Variants in ADAR observed in about 807,000 individuals in gnomAD.
The protein encoded by ADAR is adenosine deaminase RNA specific, also known as double-stranded RNA-specific adenosine deaminase.
A neutral mutation model predicts 113.2 loss-of-function variants in ADAR; 41 were observed. The ratio of observed to expected loss-of-function variants is 0.36; its 90% CI spans 0.28 to 0.47. The LOEUF (loss-of-function observed/expected upper bound fraction) is 0.47. Ranked by LOEUF, ADAR falls within the 20% of genes least tolerant of loss-of-function variation. The pLI, the probability that ADAR is intolerant of heterozygous loss-of-function variation, is 1.00. For synonymous variants in ADAR, 605 were observed against 572.6 expected, an observed-to-expected ratio of 1.06 and a Z score of -0.81; for missense variants, 1,242 against 1,540.9, an observed-to-expected ratio of 0.81 and a Z score of 3.25.
At chr1:154,606,396 C>CATAT (rs1426169509) in intron 1 of ADAR, among the ~76,000 whole-genome samples, 1 of 152,064 alleles carries the variant, frequency 6.6e-6, no homozygotes, top group East Asian at 1.9e-4. Flanking sequence ...ATTTAGGAAT[C>CATAT]ATATAATGTT....
intron 2 of ADAR, among the ~76,000 whole-genome samples, chr1:154,599,893 C>A (rs1417062528): frequency 6.6e-6 from 1 of 152,202 alleles, no homozygotes; most frequent in Non-Finnish European, 1.5e-5. Context: ...GAACCACCAC[C>A]TTCAACAGGC....
At chr1:154,620,718 CCTTTGGGGGTAGTGGTGACTA>C (rs1313680848) in intron 1 of ADAR, among the ~76,000 whole-genome samples, 2 of 152,076 alleles carry the variant, frequency 1.3e-5, no homozygotes, top group African/African-American at 4.8e-5. Context: ...ATAGTGTTGG[CCTTTGGGGGTAGTGGTGACTA>C]CCACAGGGGA....
chr1:154,597,825 T>C lies in ADAR; in HGVS notation c.1934+3A>G. 6.2e-7 allele frequency: 1 copy of C among 1,614,128 alleles called. No homozygotes were observed. The highest frequency in any genetic ancestry group is 8.5e-7 in the Non-Finnish European group (1 of 1,180,034). On this transcript the variant is annotated splice_donor_region_variant and intron_variant, in intron 4 of 14. Coordinates refer to ENST00000368474, the MANE Select transcript of ADAR (RefSeq NM_001111.5). ...AGCTGGACAGAGGACACGTAGGACA[T>C]ACTTGGGTTCATGGGCAGGGCCTTC... is the stretch of plus-strand genomic sequence containing the variant.
chr1:154,591,357 T>C (rs1337661210), intron 6 of ADAR, among the ~76,000 whole-genome samples: 1 of 152,270 alleles, frequency 6.6e-6, no homozygotes, highest in Admixed American at 6.5e-5. Context: ...ATTTACTTCC[T>C]ATTAGCTCAA....
rs1486794898 is a variant in ADAR at position 154,582,701 on chromosome 1, T to C, written c.*2105A>G. ...CTGCTGGAGAACCTAATGCCCAAGA[T>C]GGACCAGAGAGGCCAAACAACCTGA... On this transcript the variant is annotated 3_prime_UTR_variant, in exon 15 of 15. Coordinates refer to ENST00000368474, the MANE Select transcript of ADAR (RefSeq NM_001111.5). 1.3e-5 allele frequency: 2 copies of C among 152,316 alleles called. No homozygotes were observed. The highest frequency in any genetic ancestry group is 4.1e-4 in the South Asian group (2 of 4,826). 9.4% of individuals were successfully genotyped at this position (152,316 alleles called of 1,614,324 possible). A position where few individuals can be genotyped will look rare whatever the true frequency, so the allele number is the denominator to read the frequency against.
intron 1 of ADAR, among the ~76,000 whole-genome samples, chr1:154,618,831 C>T (rs1039688625): frequency 8.5e-5 from 13 of 152,170 alleles, no homozygotes; most frequent in Non-Finnish European, 1.2e-4. Context: ...AGAAGCAGGC[C>T]GGCCGTGGTG....
Position 154,602,470 on chromosome 1 carries a change from C to T in ADAR, c.172G>A (p.Gly58Arg), listed in dbSNP as rs1208088462. ...KGQLPEAPVIGKQTPSLPPSL... is the reference protein window; with the variant it reads ...KGQLPEAPVIRKQTPSLPPSL... ...GGTGGCAGTGACGGTGTCTGCTTTC[C>T]AATCACCGGTGCTTCTGGGAGCTGC... The change falls in exon 2 of 15, where the codon GGA becomes AGA. Residue 58 changes from glycine (G) to arginine (R), a missense_variant. Coordinates refer to ENST00000368474, the MANE Select transcript of ADAR (RefSeq NM_001111.5). 4 of 1,613,832 alleles carry T rather than the reference C, an allele frequency of 2.5e-6. No homozygotes were observed. The African/African-American group carries it at 5.3e-5, about 22-fold the overall frequency.
intron 9 of ADAR, 78 bp from the exon 10 acceptor site, chr1:154,588,751 T>C: frequency 6.3e-7 from 1 of 1,585,966 alleles, no homozygotes; most frequent in Non-Finnish European, 8.6e-7. Context: ...GACCTCCAAA[T>C]GAGAAAGTAA....
chr1:154,588,745 T>G, intron 9 of ADAR, 72 bp from the exon 10 acceptor site: 1 of 1,592,924 alleles, frequency 6.3e-7, no homozygotes, highest in Admixed American at 1.7e-5. Context: ...TAATCTGACC[T>G]CCAAATGAGA....
At chr1:154,609,114 G>C (rs947342828), upstream of ADAR, among the ~76,000 whole-genome samples, 1 of 152,164 alleles carries the variant, frequency 6.6e-6, no homozygotes, top group East Asian at 1.9e-4. Flanking sequence ...TGTAGAAACC[G>C]AGGCTTGACT....
rs759622256 is a variant in ADAR, at chr1:154,602,424, G to C, written c.218C>G (p.Pro73Arg). ...SLPPSLPGLR[P>R]RFPVLLASST... is the part of the protein sequence containing the mutation. ...GGAGGCAAGTAGTACTGGAAACCTTGGCCGGAGTCCTGGGAGGGAAGGTGG... is the reference window on the plus strand; with the variant it reads ...GGAGGCAAGTAGTACTGGAAACCTTCGCCGGAGTCCTGGGAGGGAAGGTGG... The change falls in exon 2 of 15, where the codon CCA (proline) becomes CGA (arginine). Residue 73 changes from proline (P) to arginine (R), a missense_variant. Transcript: ENST00000368474. 1 of 1,609,268 alleles carries C rather than the reference G, an allele frequency of 6.2e-7. No homozygotes were observed. The highest frequency in any genetic ancestry group is 1.1e-5 in the South Asian group (1 of 90,406).
intron 1 of ADAR, among the ~76,000 whole-genome samples, chr1:154,606,836 T>G (rs1370129195): frequency 1.3e-5 from 2 of 152,090 alleles, no homozygotes; most frequent in African/African-American, 2.4e-5. Context: ...CTACCCCCTT[T>G]GCCTTTACCA....
At chr1:154,605,290 C>T (rs1387779556) in intron 1 of ADAR, among the ~76,000 whole-genome samples, 1 of 152,192 alleles carries the variant, frequency 6.6e-6, no homozygotes, top group African/African-American at 2.4e-5. Context: ...AACTCTGACC[C>T]TTTCCTTATA....
At chr1:154,589,291 CGT>C in intron 9 of ADAR, 76 bp downstream of exon 9, 1 of 1,127,528 alleles carries the variant, frequency 8.9e-7, no homozygotes, top group Non-Finnish European at 1.3e-6. Context: ...ATTCAGAGGC[CGT>C]GTCAGAGCCA....
At chr1:154,587,465 T>C (rs1696839624) in intron 11 of ADAR, among the ~76,000 whole-genome samples, 1 of 152,332 alleles carries the variant, frequency 6.6e-6, no homozygotes, top group East Asian at 1.9e-4. Context: ...CATTCACATA[T>C]TAGTTTCCGT....
At chr1:154,611,464 CTT>C (rs984110220), upstream of ADAR, among the ~76,000 whole-genome samples, 1 of 146,550 alleles carries the variant, frequency 6.8e-6, no homozygotes, top group South Asian at 2.2e-4. Context: ...GTGATGATGT[CTT>C]TTTTTTTTTA....
chr1:154,585,944 G>T (rs1297634408), intron 12 of ADAR, 79 bp from the exon 13 acceptor site: 1 of 1,350,866 alleles, frequency 7.4e-7, no homozygotes. Flanking sequence ...TGGGGATTTT[G>T]GAGGTACAAG....
chr1:154,602,021 G>C lies in ADAR; in HGVS notation c.621C>G (p.His207Gln). The stretch of plus-strand genomic sequence containing the variant: ...GACCGTCTGGTCTTACCACTCCGCT[G>C]TGCTGGTTCCAAGCCTGAGTGGAGA... ...IAVSTQAWNQ[H>Q]SGVVRPDGHS... Residue 207 changes from histidine (H) to glutamine (Q), a missense_variant, in exon 2 of 15, where the codon CAC becomes CAG. His to Gln is a conservative substitution (Grantham distance 24). Around this residue, in one of 2 missense-constraint regions of ADAR, gnomAD observed 462 missense variants for 483.1 expected, o/e 0.96. Coordinates refer to ENST00000368474, the MANE Select transcript of ADAR (RefSeq NM_001111.5). 2.5e-6 allele frequency: 4 copies of C among 1,614,236 alleles called. No homozygotes were observed. The Middle Eastern group carries it at 6.6e-4, about 266-fold the overall frequency.
At chr1:154,590,086 G>C in intron 7 of ADAR, 98 bp downstream of exon 7, 2 of 1,500,552 alleles carry the variant, frequency 1.3e-6, no homozygotes, top group Non-Finnish European at 1.8e-6. Context: ...TAAGAGTAAA[G>C]CCTAGGAATA....
Sources: gnomAD v4.1 joint callset for allele counts (sites outside exome capture counted in the v4.1 genomes callset) on GRCh38, gnomAD v4.1.1 for gene constraint, gnomAD v4.1.1 regional missense constraint, MANE v1.5 for transcripts, NCBI Gene and HGNC (gene_info 2026-07-23, HGNC 2026-07-21) for gene names.